The following PCSK5 variants were observed in gnomAD, a reference collection of about 807,000 sequenced individuals.
PCSK5 encodes the protein proprotein convertase subtilisin/kexin type 5.
Under a neutral mutation model 233.2 loss-of-function variants are expected in PCSK5, and 129 were observed. That is an observed-to-expected ratio of 0.55 (90% CI 0.48 to 0.64). PCSK5 has a LOEUF of 0.64. PCSK5 is among the 30% of genes least tolerant of loss of function. PCSK5 has a pLI of 0.00. For synonymous variants in PCSK5, 825 were observed against 879.2 expected, an observed-to-expected ratio of 0.94 and a Z score of 1.09; for missense variants, 2,076 against 2,430.1, an observed-to-expected ratio of 0.85 and a Z score of 3.06.
At chr9:76,237,447 G>T (rs976839825) in intron 22 of PCSK5, among the ~76,000 whole-genome samples, 2 of 151,962 alleles carry the variant, frequency 1.3e-5, no homozygotes, top group African/African-American at 4.8e-5. Flanking sequence ...TAGCTTGAGA[G>T]CCCATAATCC....
intron 18 of PCSK5, 106 bp downstream of exon 18, chr9:76,188,781 T>A (rs1824225850): frequency 2.5e-6 from 2 of 789,032 alleles, no homozygotes; most frequent in Non-Finnish European, 2.1e-6. Flanking sequence ...AAAGTAATGC[T>A]GGAAAAGTTT....
At chr9:76,141,746 T>C (rs961783661) in intron 10 of PCSK5, among the ~76,000 whole-genome samples, 1 of 152,172 alleles carries the variant, frequency 6.6e-6, no homozygotes, top group Non-Finnish European at 1.5e-5. Context: ...TTTCTAGCCA[T>C]ATAAGAGTTT....
In PCSK5 at chr9:76,362,784, G is replaced by C. The variant is rs935851107; in HGVS notation, c.*3862G>C. ...AAAAATCCCTGTCCTGTGCTGTTTC[G>C]TTCTGATTACTGGTGCATGCAGTCC... On this transcript the variant is annotated 3_prime_UTR_variant, in exon 38 of 38. Coordinates refer to ENST00000674117, the MANE Select transcript of PCSK5 (RefSeq NM_001372043.1). 6.6e-6 allele frequency among the ~76,000 whole-genome samples: 1 copy of C among 152,142 alleles called. No homozygotes were observed. Among genetic ancestry groups the C allele is most frequent in the African/African-American group, 2.4e-5 (1 of 41,444 alleles).
chr9:75,894,093 G>GT (rs1219916547), intron 1 of PCSK5, among the ~76,000 whole-genome samples: 1 of 152,152 alleles, frequency 6.6e-6, no homozygotes, highest in African/African-American at 2.4e-5. Flanking sequence ...GGAATGTTCT[G>GT]TTTTTTACCC....
At chr9:75,951,300 G>C (rs1486206023) in intron 2 of PCSK5, among the ~76,000 whole-genome samples, 10 of 152,198 alleles carry the variant, frequency 6.6e-5, no homozygotes, top group Admixed American at 5.2e-4. Context: ...ATAAAACTTA[G>C]AGACAGACAG....
intron 5 of PCSK5, among the ~76,000 whole-genome samples, chr9:76,064,448 G>A (rs1406649129): frequency 2.9e-5 from 4 of 140,028 alleles, no homozygotes; most frequent in Middle Eastern, 3.8e-3. Context: ...ACGGCTGGCC[G>A]GGCGGGGGGG....
At chr9:76,317,939 G>A (rs1163130515) in intron 30 of PCSK5, among the ~76,000 whole-genome samples, 4 of 152,116 alleles carry the variant, frequency 2.6e-5, no homozygotes, top group Non-Finnish European at 4.4e-5. Flanking sequence ...GTAAATGATT[G>A]TTGTTTTAAG....
chr9:76,179,459 T>C (rs193005144), intron 14 of PCSK5, 137 bp from the exon 15 acceptor site: 1 of 584,838 alleles, frequency 1.7e-6, no homozygotes, highest in East Asian at 3.1e-5. Context: ...TAAAGCCACA[T>C]TGACAATTAT....
At chr9:76,316,715 G>T (rs1160735959) in intron 30 of PCSK5, among the ~76,000 whole-genome samples, 1 of 123,616 alleles carries the variant, frequency 8.1e-6, no homozygotes, top group African/African-American at 3.3e-5. Flanking sequence ...TCTAGCCTGG[G>T]CAACAGAGCC....
At chr9:76,251,961 T>C (rs1486676064) in intron 24 of PCSK5, among the ~76,000 whole-genome samples, 1 of 151,542 alleles carries the variant, frequency 6.6e-6, no homozygotes, top group Non-Finnish European at 1.5e-5. Flanking sequence ...ATTATGCTTT[T>C]TTGCAATTAT....
chr9:75,947,195 G>A (rs1013979041), intron 2 of PCSK5, among the ~76,000 whole-genome samples: 1 of 152,110 alleles, frequency 6.6e-6, no homozygotes, highest in Non-Finnish European at 1.5e-5. Flanking sequence ...CTTAACAGAG[G>A]TTCTTCTAAG....
chr9:76,175,498 A>G, intron 14 of PCSK5: 1 of 357,956 alleles, frequency 2.8e-6, no homozygotes, highest in Non-Finnish European at 5.0e-6. Context: ...AATCTGGGAC[A>G]TATTGTTCGC....
chr9:76,329,385 C>T (rs1214338143), intron 33 of PCSK5, among the ~76,000 whole-genome samples: 2 of 151,642 alleles, frequency 1.3e-5, no homozygotes, highest in Non-Finnish European at 2.9e-5. Flanking sequence ...GTCTTGAATT[C>T]CTGGGCTCTA....
chr9:76,320,041 G>A (rs2803423), intron 30 of PCSK5, among the ~76,000 whole-genome samples: 51,445 of 151,868 alleles, frequency 0.34, 9,027 homozygotes, highest in African/African-American at 0.4. Flanking sequence ...TCTTGTATGC[G>A]ATAAATATCG....
chr9:76,319,794 C>T (rs1289821017), intron 30 of PCSK5, among the ~76,000 whole-genome samples: 1 of 152,170 alleles, frequency 6.6e-6, no homozygotes, highest in Non-Finnish European at 1.5e-5. Flanking sequence ...CTTTCATGCT[C>T]CTCCTGCACT....
chr9:75,970,476 T>C (rs1024649614), intron 2 of PCSK5, among the ~76,000 whole-genome samples: 2 of 152,202 alleles, frequency 1.3e-5, no homozygotes, highest in African/African-American at 2.4e-5. Context: ...ACAGTTCTCC[T>C]GTCATTTGCA....
At chr9:76,192,365 G>A (rs946543292) in intron 20 of PCSK5, among the ~76,000 whole-genome samples, 2 of 152,090 alleles carry the variant, frequency 1.3e-5, no homozygotes, top group African/African-American at 4.8e-5. Context: ...AAATCACATG[G>A]CAGCTGCACT....
At position 75,918,392 on chromosome 9, in the gene PCSK5, A is replaced by G. The variant is rs111886395; in HGVS notation, c.193-13987A>G. 5.8e-3 allele frequency among the ~76,000 whole-genome samples: 879 copies of G among 152,330 alleles called. 7 individuals are homozygous for G. Among genetic ancestry groups the G allele is most frequent in the African/African-American group, 0.02 (845 of 41,582 alleles). On this transcript the variant is annotated intron_variant, in intron 1 of 37. Coordinates refer to ENST00000674117, the MANE Select transcript of PCSK5 (RefSeq NM_001372043.1). ...TGATTCAGTTAAGGTGGGGCTCATTAACGTGCATTTCTGCCAGGCTCATTG... is the reference window on the plus strand; with the variant it reads ...TGATTCAGTTAAGGTGGGGCTCATTGACGTGCATTTCTGCCAGGCTCATTG...
intron 24 of PCSK5, chr9:76,286,520 G>T: frequency 6.4e-6 from 1 of 155,632 alleles, no homozygotes; most frequent in South Asian, 2.0e-4. Flanking sequence ...TTTCTGGCAT[G>T]AGCTCCATCT....
Sources: gnomAD v4.1 joint callset for allele counts (sites outside exome capture counted in the v4.1 genomes callset) on GRCh38, gnomAD v4.1.1 for gene constraint, MANE v1.5 for transcripts, NCBI Gene and HGNC (gene_info 2026-07-23, HGNC 2026-07-21) for gene names.